THADA: variants seen among roughly 807,000 people sequenced by gnomAD.
THADA encodes the protein tRNA (32-2'-O)-methyltransferase regulator THADA.
In THADA, 213 loss-of-function variants were observed where a neutral mutation model predicts 219.8. That is an observed-to-expected ratio of 0.97 (90% CI 0.87 to 1.09). The LOEUF (loss-of-function observed/expected upper bound fraction) is 1.09, where lower values mean the gene tolerates loss of function less well. THADA is among the 50% of genes least tolerant of loss of function. THADA has a pLI of 0.00. For missense variants in THADA, 2,956 were observed against 2,311.3 expected, an observed-to-expected ratio of 1.28 and a Z score of -5.72; for synonymous variants, 1,018 against 828.9, an observed-to-expected ratio of 1.23 and a Z score of -3.92.
At chr2:43,581,642 G>C (rs1251879566) in intron 8 of THADA, 99 bp downstream of exon 8, 1 of 1,050,304 alleles carries the variant, frequency 9.5e-7, no homozygotes, top group Admixed American at 2.5e-5. Context: ...CCACATCTCA[G>C]TTAAGTATCA....
intron 31 of THADA, among the ~76,000 whole-genome samples, chr2:43,310,504 T>C (rs999376579): frequency 1.3e-5 from 2 of 152,144 alleles, no homozygotes; most frequent in African/African-American, 2.4e-5. Flanking sequence ...GATAGTCTTT[T>C]TGAAATACAG....
chr2:43,238,428 C>G (rs1161478595), intron 36 of THADA, among the ~76,000 whole-genome samples: 1 of 152,120 alleles, frequency 6.6e-6, no homozygotes, highest in Non-Finnish European at 1.5e-5. Context: ...AGTCACATTC[C>G]ACTTCACACC....
intron 31 of THADA, among the ~76,000 whole-genome samples, chr2:43,311,421 G>A (rs1298005931): frequency 6.6e-6 from 1 of 152,202 alleles, no homozygotes; most frequent in African/African-American, 2.4e-5. Flanking sequence ...TGGTAAAAAT[G>A]TAAGATGGTT....
At chr2:43,454,281 T>G (rs1361040356) in intron 26 of THADA, among the ~76,000 whole-genome samples, 1 of 152,154 alleles carries the variant, frequency 6.6e-6, no homozygotes, top group Non-Finnish European at 1.5e-5. Context: ...CTTTGTCCAT[T>G]CTAGACCTTT....
At chr2:43,436,201 T>A (rs1322281938) in intron 26 of THADA, among the ~76,000 whole-genome samples, 1 of 152,184 alleles carries the variant, frequency 6.6e-6, no homozygotes, top group East Asian at 1.9e-4. Flanking sequence ...AGGGAGCAAC[T>A]GGAAAAAAGA....
In THADA at chr2:43,310,902, C is replaced by T. The variant is rs576371926; in HGVS notation, c.4438+9544G>A. The stretch of plus-strand genomic sequence containing the variant: ...TAAAAAGAGAAATAACTCGGCTGGG[C>T]GCGGTGGCTCACGCCTGTAATCCCA... On this transcript the variant is annotated intron_variant, in intron 31 of 37. Transcript: ENST00000405975. 5.1e-4 allele frequency among the ~76,000 whole-genome samples: 78 copies of T among 152,260 alleles called. 1 individual carries two copies. Among genetic ancestry groups the T allele is most frequent in the South Asian group, 8.3e-4 (4 of 4,812 alleles).
At chr2:43,566,002 C>A in intron 15 of THADA, 1 of 154,268 alleles carries the variant, frequency 6.5e-6, no homozygotes, top group Non-Finnish European at 1.4e-5. Context: ...GCAGGAGAAT[C>A]GCTTGAACCC....
At chr2:43,249,356 G>A (rs1669582071) in intron 36 of THADA, among the ~76,000 whole-genome samples, 1 of 152,148 alleles carries the variant, frequency 6.6e-6, no homozygotes, top group South Asian at 2.1e-4. Context: ...CCAAAATGTG[G>A]GGTTACAGGT....
Position 43,590,896 on chromosome 2 carries a change from C to G in THADA, c.230G>C (p.Ser77Thr). ...AATGCCTGCTAAGATATCCAAACAA[C>G]TTTGAATAGTGGGATCACACATGCC... The part of the protein sequence containing the change: ...KNGMCDPTIQ[S>T]CLDILAGIYL... The change falls in exon 4 of 38, where the codon AGT (serine) becomes ACT (threonine). Residue 77 changes from serine to threonine, a missense_variant. Coordinates refer to ENST00000405975, the MANE Select transcript of THADA (RefSeq NM_022065.5). The G allele has an allele frequency of 1.9e-6, 3 of 1,613,366 alleles. No homozygotes were observed. Among genetic ancestry groups the G allele is most frequent in the Non-Finnish European group, 1.7e-6 (2 of 1,179,376 alleles).
At chr2:43,326,930 T>C (rs1171001452) in intron 30 of THADA, among the ~76,000 whole-genome samples, 1 of 152,126 alleles carries the variant, frequency 6.6e-6, no homozygotes, top group African/African-American at 2.4e-5. Context: ...TTAAGGTCTC[T>C]AAGACACATG....
chr2:43,478,017 C>A (rs1685743248), intron 26 of THADA, among the ~76,000 whole-genome samples: 1 of 152,146 alleles, frequency 6.6e-6, no homozygotes, highest in East Asian at 1.9e-4. Context: ...CCTCTGACCT[C>A]TTATCCCCTG....
At chr2:43,428,295 A>C in intron 27 of THADA, 64 bp from the exon 28 acceptor site, 2 of 1,461,198 alleles carry the variant, frequency 1.4e-6, no homozygotes. Flanking sequence ...TCCTCCTTCA[A>C]ACATTTTTCT....
chr2:43,363,946 G>T (rs189572860), intron 29 of THADA, among the ~76,000 whole-genome samples: 1 of 152,278 alleles, frequency 6.6e-6, no homozygotes, highest in African/African-American at 2.4e-5. Flanking sequence ...ATTAGGCCAG[G>T]CATGGTGGCT....
intron 16 of THADA, 57 bp from the exon 17 acceptor site, chr2:43,556,612 A>G: frequency 6.6e-7 from 1 of 1,521,802 alleles, no homozygotes; most frequent in Non-Finnish European, 8.9e-7. Flanking sequence ...TAATTTAAAA[A>G]AATAGTAAAT....
chr2:43,595,565 G>T (rs1371365644), intron 1 of THADA: 1 of 152,324 alleles, frequency 6.6e-6, no homozygotes, highest in Non-Finnish European at 1.5e-5. Context: ...GAAGAACCAG[G>T]GTCCCCAAGG....
chr2:43,427,811 C>G (rs1343491834), intron 28 of THADA, among the ~76,000 whole-genome samples: 1 of 149,212 alleles, frequency 6.7e-6, no homozygotes, highest in East Asian at 2.0e-4. Flanking sequence ...AAAAAATTAT[C>G]CAGGCGTGGT....
chr2:43,298,606 T>TAA (rs368669954), intron 31 of THADA, among the ~76,000 whole-genome samples: 3,813 of 146,734 alleles, frequency 0.026, 150 homozygotes, highest in African/African-American at 0.077. Flanking sequence ...AAAAAAAAAT[T>TAA]AAAAAAAAAA....
chr2:43,270,087 G>T lies in THADA; in HGVS notation c.5296+9678C>A, dbSNP rs556147845. On this transcript the variant is annotated intron_variant, in intron 36 of 37. Coordinates refer to ENST00000405975, the MANE Select transcript of THADA (RefSeq NM_022065.5). ...TCTACCCGAGTCTGGATTATTCTCA[G>T]GGGGCATCCCTACATTTCTGTCATT... is the stretch of plus-strand genomic sequence containing the variant. Among the ~76,000 whole-genome samples the T allele has an allele frequency of 4.0e-4, 61 of 152,164 alleles. 1 individual carries two copies. The highest frequency in any genetic ancestry group is 1.2e-4 in the Non-Finnish European group (8 of 68,026).
chr2:43,244,376 C>T (rs1479666838), intron 36 of THADA, among the ~76,000 whole-genome samples: 1 of 152,218 alleles, frequency 6.6e-6, no homozygotes, highest in East Asian at 1.9e-4. Context: ...AAAATACCAT[C>T]TGTGAAAAAG....
Sources: allele counts gnomAD v4.1 joint callset (sites outside exome capture counted in the v4.1 genomes callset), GRCh38; gene constraint gnomAD v4.1.1; transcripts MANE v1.5; gene names NCBI Gene and HGNC (gene_info 2026-07-23, HGNC 2026-07-21).